Variants in DPP10 observed in about 807,000 individuals in gnomAD.
DPP10 encodes the protein dipeptidyl peptidase like 10.
DPP10 carries 33 observed loss-of-function variants against 120.9 expected under a neutral mutation model. The observed-to-expected ratio is 0.27, with a 90% CI of 0.21 to 0.37. The LOEUF (loss-of-function observed/expected upper bound fraction) is 0.37, where lower values mean the gene tolerates loss of function less well. Ranked by LOEUF, DPP10 falls within the 10% of genes least tolerant of loss-of-function variation. The pLI is 1.00. For missense variants in DPP10, 816 were observed against 942.8 expected (o/e 0.87, Z 1.76); for synonymous variants, 337 against 326.1 (o/e 1.03, Z -0.36).
chr2:114,852,029 G>A (rs1402405124), intron 1 of DPP10, among the ~76,000 whole-genome samples: 1 of 151,668 alleles, frequency 6.6e-6, no homozygotes, highest in African/African-American at 2.4e-5. Context: ...TGTATAGAGG[G>A]ATTCATGATC....
intron 1 of DPP10, among the ~76,000 whole-genome samples, chr2:114,634,167 G>A (rs1337767242): frequency 6.6e-6 from 1 of 151,820 alleles, no homozygotes; most frequent in East Asian, 1.9e-4. Flanking sequence ...CAAATGAATT[G>A]ATAAAACCAT....
intron 5 of DPP10, among the ~76,000 whole-genome samples, chr2:115,659,385 T>C (rs2088695913): frequency 6.6e-6 from 1 of 152,226 alleles, no homozygotes; most frequent in South Asian, 2.1e-4. Context: ...CATTTTCTTT[T>C]ATTTATACTA....
chr2:115,051,872 T>C (rs937035427), intron 1 of DPP10, among the ~76,000 whole-genome samples: 1 of 152,152 alleles, frequency 6.6e-6, no homozygotes. Flanking sequence ...GTAATGAAGA[T>C]GTTAGCCTGA....
intron 1 of DPP10, among the ~76,000 whole-genome samples, chr2:114,943,279 T>A (rs1440164172): frequency 6.6e-6 from 1 of 151,582 alleles, no homozygotes; most frequent in Non-Finnish European, 1.5e-5. Flanking sequence ...TGTGCCACAG[T>A]TTTTTTTTCT....
At chr2:114,705,914 T>C (rs1700657905) in intron 1 of DPP10, among the ~76,000 whole-genome samples, 1 of 152,222 alleles carries the variant, frequency 6.6e-6, no homozygotes, top group Admixed American at 6.5e-5. Context: ...AGCTTCATCC[T>C]AAGGCTGGCT....
At chr2:115,431,167 A>T (rs1412934685) in intron 3 of DPP10, among the ~76,000 whole-genome samples, 2 of 152,214 alleles carry the variant, frequency 1.3e-5, no homozygotes, top group African/African-American at 4.8e-5. Context: ...GAATTCTGTG[A>T]TAAATATGAG....
At chr2:114,650,035 A>T (rs1696459182) in intron 1 of DPP10, among the ~76,000 whole-genome samples, 1 of 152,126 alleles carries the variant, frequency 6.6e-6, no homozygotes, top group Non-Finnish European at 1.5e-5. Context: ...TGGCCATGTT[A>T]TACATTTTAT....
At chr2:115,036,864 G>T (rs1016626108) in intron 1 of DPP10, among the ~76,000 whole-genome samples, 2 of 152,126 alleles carry the variant, frequency 1.3e-5, no homozygotes, top group African/African-American at 2.4e-5. Flanking sequence ...ATATAGAAAA[G>T]AAATTTATCT....
intron 1 of DPP10, among the ~76,000 whole-genome samples, chr2:114,481,682 A>G (rs1681058001): frequency 6.6e-6 from 1 of 152,146 alleles, no homozygotes; most frequent in Non-Finnish European, 1.5e-5. Context: ...TTCTGAGTGA[A>G]ATAAGCCAAC....
In DPP10 at chr2:115,083,775, T is replaced by G. The variant is rs114454170; in HGVS notation, c.61-225464T>G. Among the ~76,000 whole-genome samples, 558 of 152,358 alleles carry G rather than the reference T, an allele frequency of 3.7e-3. 6 individuals carry two copies. The highest frequency in any genetic ancestry group is 0.013 in the African/African-American group (529 of 41,588). On this transcript the variant is annotated intron_variant, in intron 1 of 25. Transcript: ENST00000410059. ...CTCTGAAAGTTATCACTAAGTGATT[T>G]CTGCAAGATTTTCATGGTAGCATCC...
intron 1 of DPP10, among the ~76,000 whole-genome samples, chr2:114,552,517 A>G (rs570052451): frequency 2.7e-4 from 41 of 152,146 alleles, no homozygotes; most frequent in African/African-American, 9.9e-4. Flanking sequence ...AAACTCTGTG[A>G]CTTTCCATTA....
chr2:114,841,736 C>T (rs942006656), intron 1 of DPP10, among the ~76,000 whole-genome samples: 1 of 152,028 alleles, frequency 6.6e-6, no homozygotes, highest in African/African-American at 2.4e-5. Flanking sequence ...TGTGAACTTA[C>T]CCAGCACAGG....
chr2:115,677,987 A>G lies in DPP10; in HGVS notation c.442-11700A>G, dbSNP rs560905112. ...CACATTCTTCTCATTAGCACATAAA[A>G]TATTATTTAGCATTAATTATACTTA... On this transcript the variant is annotated intron_variant, in intron 5 of 25. Transcript: ENST00000410059. Among the ~76,000 whole-genome samples, 11 of 152,364 alleles carry G rather than the reference A, an allele frequency of 7.2e-5. No homozygotes were observed. The South Asian group carries it at 2.3e-3, about 32-fold the overall frequency.
chr2:115,671,559 C>T (rs1021778229), intron 5 of DPP10, among the ~76,000 whole-genome samples: 4 of 151,872 alleles, frequency 2.6e-5, no homozygotes, highest in Admixed American at 6.6e-5. Flanking sequence ...AGATATGTTA[C>T]ATTAAATAAA....
intron 1 of DPP10, among the ~76,000 whole-genome samples, chr2:115,134,987 A>G (rs1021739908): frequency 2.6e-5 from 4 of 152,102 alleles, no homozygotes; most frequent in Non-Finnish European, 5.9e-5. Context: ...GCAATGGCAT[A>G]TGGCACTAAT....
chr2:114,556,234 C>CATACATATAT (rs368351720), intron 1 of DPP10, among the ~76,000 whole-genome samples: 6 of 86,950 alleles, frequency 6.9e-5, no homozygotes, highest in African/African-American at 2.8e-4. Context: ...ATAGATGATA[C>CATACATATAT]ATATATATAT....
At chr2:115,539,990 G>C (rs1278218024) in intron 5 of DPP10, among the ~76,000 whole-genome samples, 1 of 151,874 alleles carries the variant, frequency 6.6e-6, no homozygotes, top group Admixed American at 6.6e-5. Context: ...AACAGTTAAA[G>C]GTTGTGTGTT....
chr2:114,946,120 G>C (rs1381806275), intron 1 of DPP10, among the ~76,000 whole-genome samples: 1 of 152,188 alleles, frequency 6.6e-6, no homozygotes, highest in African/African-American at 2.4e-5. Context: ...ACACTGAATG[G>C]ATCTTGGTAC....
chr2:115,388,082 A>G (rs570993767), intron 3 of DPP10, among the ~76,000 whole-genome samples: 144 of 152,316 alleles, frequency 9.5e-4, no homozygotes, highest in South Asian at 6.0e-3. Context: ...AGTTTCTATG[A>G]AAGCCAAATT....
Sources: gnomAD v4.1 joint callset for allele counts (sites outside exome capture counted in the v4.1 genomes callset) on GRCh38, gnomAD v4.1.1 for gene constraint, MANE v1.5 for transcripts, NCBI Gene and HGNC (gene_info 2026-07-23, HGNC 2026-07-21) for gene names.